Variants in DICER1 observed in about 807,000 individuals in gnomAD.
The protein encoded by DICER1 is endoribonuclease Dicer.
A neutral mutation model predicts 194.1 loss-of-function variants in DICER1; 43 were observed. That is an observed-to-expected ratio of 0.22 (90% CI 0.17 to 0.29). The LOEUF (loss-of-function observed/expected upper bound fraction) is 0.29, where lower values mean the gene tolerates loss of function less well. Ranked by LOEUF, DICER1 falls within the 10% of genes least tolerant of loss-of-function variation. DICER1 has a pLI of 1.00. For missense variants in DICER1, 1,608 were observed against 2,317.0 expected (o/e 0.69, Z 6.28); for synonymous variants, 832 against 820.5 (o/e 1.01, Z -0.24).
At chr14:95,092,532 T>A (rs1889942132) in intron 24 of DICER1, among the ~76,000 whole-genome samples, 2 of 152,228 alleles carry the variant, frequency 1.3e-5, no homozygotes, top group African/African-American at 4.8e-5. Context: ...TTGTTCATAT[T>A]TATGGTTTTG....
chr14:95,138,995 A>AAAAAAAAAAAAAAAAAAAAAAT (rs1894645879), intron 1 of DICER1, among the ~76,000 whole-genome samples: 1 of 2,162 alleles, frequency 4.6e-4, no homozygotes, highest in African/African-American at 7.2e-3. Flanking sequence ...ATAAAAAAAT[A>AAAAAAAAAAAAAAAAAAAAAAT]AAAAAAAAAA....
chr14:95,098,664 G>A (rs1890580012), intron 22 of DICER1, among the ~76,000 whole-genome samples: 1 of 152,126 alleles, frequency 6.6e-6, no homozygotes. Flanking sequence ...TTACTGGAAT[G>A]TTATTCATAG....
Position 95,130,371 on chromosome 14 carries a change from G to A in DICER1, c.439-179C>T, listed in dbSNP as rs567192810. 7.2e-5 allele frequency among the ~76,000 whole-genome samples: 11 copies of A among 152,268 alleles called. No individual in the cohort carries two copies. The South Asian group carries it at 2.3e-3, about 32-fold the overall frequency. ...TACATCAGAACTAAGAAGGAAATCA[G>A]GAAAGCATGGGAAAAGAGTAGAGAA... On this transcript the variant is annotated intron_variant, in intron 4 of 26. Transcript: ENST00000343455.
rs1162530452 is a variant in DICER1 at position 95,087,853 on chromosome 14, C to T, written c.*2645G>A. ...ACTGGTAGGTTTTCCATATTACATT[C>T]GGTCTCACATTGCAATCACAGGAAC... On this transcript the variant is annotated 3_prime_UTR_variant, in exon 27 of 27. Transcript: ENST00000343455. 3.4e-5 allele frequency: 8 copies of T among 233,010 alleles called. No homozygotes were observed. Among genetic ancestry groups the T allele is most frequent in the Admixed American group, 1.1e-4 (2 of 17,768 alleles). The allele number at this position is 233,010 out of a possible 1,614,324, so 14.4% of individuals were successfully genotyped here.
In DICER1 at chr14:95,099,805, G is replaced by GTGT. The variant is rs878855263; in HGVS notation, c.4178_4180dup (p.Asn1393dup). On this transcript the variant is annotated inframe_insertion, in exon 22 of 27. Transcript: ENST00000343455. Reference sequence around the variant, plus strand: ...CATTTCATCTTTTTCCCATTTATCTGTGTTGCTTTTGTCTTGATTTACTAC... The same window carrying GTGT: ...CATTTCATCTTTTTCCCATTTATCTGTGTTGTTGCTTTTGTCTTGATTTACTAC... 1.1e-5 allele frequency: 17 copies of GTGT among 1,612,882 alleles called. No homozygotes were observed. The highest frequency in any genetic ancestry group is 1.4e-5 in the Non-Finnish European group (16 of 1,179,812).
At position 95,154,878 on chromosome 14, in the gene DICER1, A is replaced by C. The variant is rs1372678803; in HGVS notation, c.-46+2352T>G. Among the ~76,000 whole-genome samples, 6 of 152,172 alleles carry C rather than the reference A, an allele frequency of 3.9e-5. No individual in the cohort carries two copies. The East Asian group carries it at 9.6e-4, about 24-fold the overall frequency. On this transcript the variant is annotated intron_variant, in intron 1 of 26. Transcript: ENST00000343455. ...TATTTTACCATGCCAAAAAAAAAAAAAAACAACTATCTGAAATATTCAAAT... is the reference window on the plus strand; with the variant it reads ...TATTTTACCATGCCAAAAAAAAAAACAAACAACTATCTGAAATATTCAAAT...
chr14:95,126,331 T>C (rs1893456984), intron 7 of DICER1, among the ~76,000 whole-genome samples: 1 of 152,198 alleles, frequency 6.6e-6, no homozygotes. Context: ...CTCCTTATAC[T>C]TAAATAACCA....
rs779296405 is a variant in DICER1 at position 95,087,949 on chromosome 14, C to T, written c.*2549G>A. On this transcript the variant is annotated 3_prime_UTR_variant, in exon 27 of 27. Transcript: ENST00000343455. ...TTTTTTTTTCCTTAATTGACAGATG[C>T]AAAACATTTCAACAAGCTAAACACA... 8.6e-6 allele frequency: 2 copies of T among 232,564 alleles called. No homozygotes were observed. Among genetic ancestry groups the T allele is most frequent in the Non-Finnish European group, 1.7e-5 (2 of 117,836 alleles). 14.4% of individuals were successfully genotyped at this position (232,564 alleles called of 1,614,324 possible). A position where few individuals can be genotyped will look rare whatever the true frequency, so the allele number is the denominator to read the frequency against.
At chr14:95,097,800 G>A (rs1890497117) in intron 22 of DICER1, among the ~76,000 whole-genome samples, 1 of 152,090 alleles carries the variant, frequency 6.6e-6, no homozygotes, top group South Asian at 2.1e-4. Flanking sequence ...AAAAGAAATA[G>A]CAGTAAGCCA....
At position 95,095,948 on chromosome 14, in the gene DICER1, T is replaced by C. The variant is rs768640549; in HGVS notation, c.4972A>G (p.Thr1658Ala). The stretch of plus-strand genomic sequence containing the variant: ...AACCCCGATATAAGGTGATTCAGTG[T>C]TTTATCTGCATCTGGATGATCAAAC... ...CMFDHPDADK[T>A]LNHLISGFEN... The change falls in exon 23 of 27, where the codon ACA becomes GCA. Residue 1658 changes from threonine (T) to alanine (A), a missense_variant. Coordinates refer to ENST00000343455, the MANE Select transcript of DICER1 (RefSeq NM_177438.3). The C allele has an allele frequency of 1.9e-6, 3 of 1,614,186 alleles. No individual in the cohort carries two copies. The South Asian group carries it at 3.3e-5, about 18-fold the overall frequency.
In DICER1 at chr14:95,130,129, C is replaced by G; in HGVS notation, c.502G>C (p.Asp168His). ...VLKNGYLSLS[D>H]INLLVFDECH... ...TCATCAAACACCAAAAGGTTAATGT[C>G]TGACAGTGATAAGTAACCATTTTTC... is the stretch of plus-strand genomic sequence containing the variant. The change falls in exon 5 of 27, where the codon GAC (aspartate) becomes CAC (histidine). Residue 168 changes from aspartate (D) to histidine (H), a missense_variant. Asp to His is a moderately conservative substitution (Grantham distance 81, BLOSUM62 -1). This residue lies in a region of DICER1 where 657 missense variants were observed against 910.1 expected (regional missense o/e 0.72). Coordinates refer to ENST00000343455, the MANE Select transcript of DICER1 (RefSeq NM_177438.3). 6.2e-7 allele frequency: 1 copy of G among 1,613,156 alleles called. No individual in the cohort carries two copies. The highest frequency in any genetic ancestry group is 8.5e-7 in the Non-Finnish European group (1 of 1,179,414).
chr14:95,134,034 G>A (rs148385048), intron 1 of DICER1, among the ~76,000 whole-genome samples: 15 of 152,156 alleles, frequency 9.9e-5, no homozygotes, highest in East Asian at 9.6e-4. Flanking sequence ...ATTCTATGAC[G>A]TTACTGATAA....
chr14:95,092,915 G>C (rs577230863), intron 24 of DICER1, among the ~76,000 whole-genome samples: 2 of 152,320 alleles, frequency 1.3e-5, no homozygotes, highest in Non-Finnish European at 2.9e-5. Flanking sequence ...TCCAGCTCAG[G>C]CTGTTCATCT....
intron 7 of DICER1, among the ~76,000 whole-genome samples, chr14:95,125,286 C>G (rs1893308681): frequency 6.6e-6 from 1 of 151,810 alleles, no homozygotes; most frequent in Non-Finnish European, 1.5e-5. Flanking sequence ...GACAGCTGCA[C>G]TGGGGCAGCC....
chr14:95,138,986 T>TAAAAAAAAAAAAAAAAA (rs1289692370), intron 1 of DICER1, among the ~76,000 whole-genome samples: 1 of 31,702 alleles, frequency 3.2e-5, no homozygotes, highest in East Asian at 4.2e-4. Context: ...TAAAAATAAA[T>TAAAAAAAAAAAAAAAAA]AAAAAAATAA....
chr14:95,093,854 C>A, intron 24 of DICER1, 34 bp downstream of exon 24: 3 of 1,612,632 alleles, frequency 1.9e-6, no homozygotes, highest in Non-Finnish European at 2.5e-6. Flanking sequence ...CTAGTTAGAC[C>A]ACTTTTTTCA....
At chr14:95,096,789 A>G in intron 22 of DICER1, 76 bp from the exon 23 acceptor site, 1 of 1,497,096 alleles carries the variant, frequency 6.7e-7, no homozygotes, top group Non-Finnish European at 9.0e-7. Context: ...CAATAAAAGC[A>G]AGGGTTATGG....
At chr14:95,153,009 G>A (rs1412311401) in intron 1 of DICER1, among the ~76,000 whole-genome samples, 1 of 152,084 alleles carries the variant, frequency 6.6e-6, no homozygotes, top group Non-Finnish European at 1.5e-5. Context: ...GAGGTCAGGA[G>A]ATCAAGACCA....
At chr14:95,132,830 C>T (rs536835725) in intron 2 of DICER1, among the ~76,000 whole-genome samples, 153 bp from the exon 3 acceptor site, 6 of 152,284 alleles carry the variant, frequency 3.9e-5, no homozygotes, top group African/African-American at 7.2e-5. Flanking sequence ...CGTCTTTATA[C>T]GAGAATAACT....
Sources: allele counts gnomAD v4.1 joint callset (sites outside exome capture counted in the v4.1 genomes callset), GRCh38; gene constraint gnomAD v4.1.1; regional missense constraint gnomAD v4.1.1; transcripts MANE v1.5; gene names NCBI Gene and HGNC (gene_info 2026-07-23, HGNC 2026-07-21).